MINK1: variants seen among roughly 807,000 people sequenced by gnomAD.
The protein encoded by MINK1 is misshapen-like kinase 1.
Under a neutral mutation model 178.4 loss-of-function variants are expected in MINK1, and 46 were observed. That is an observed-to-expected ratio of 0.26 (90% CI 0.20 to 0.33). The LOEUF is 0.33. MINK1 is among the 10% of genes least tolerant of loss of function. The pLI is 1.00. For missense variants in MINK1, 1,366 were observed against 1,814.9 expected, an observed-to-expected ratio of 0.75 and a Z score of 4.49; for synonymous variants, 797 against 709.7, an observed-to-expected ratio of 1.12 and a Z score of -1.96.
intron 5 of MINK1, 108 bp from the exon 6 acceptor site, chr17:4,884,804 C>A: frequency 1.0e-6 from 1 of 964,486 alleles, no homozygotes; most frequent in South Asian, 1.5e-5. Context: ...CTCCTTCAGC[C>A]CAGCCCTGTC....
chr17:4,865,169 G>A (rs1182711067), intron 1 of MINK1, among the ~76,000 whole-genome samples: 2 of 152,100 alleles, frequency 1.3e-5, no homozygotes, highest in Admixed American at 6.6e-5. Flanking sequence ...GGTGGCTCAC[G>A]CCTGTAATCC....
chr17:4,893,139 A>G lies in MINK1; in HGVS notation c.2400+72A>G, dbSNP rs182021390. The stretch of plus-strand genomic sequence containing the variant: ...GCTTAGCCTCAGGGTGCTGGGTGTC[A>G]GGGGTGGGGTCTCCGCTGATCTACC... On this transcript the variant is annotated intron_variant, in intron 20 of 31. Transcript: ENST00000355280. 7.4e-4 allele frequency: 1,113 copies of G among 1,514,058 alleles called. 8 individuals are homozygous for G. In the African/African-American group the frequency reaches 0.014, roughly 19 times the overall value. The allele number at this position is 1,514,058 out of a possible 1,614,324, so 93.8% of individuals were successfully genotyped here.
Position 4,896,263 on chromosome 17 carries a change from T to C in MINK1, c.3536T>C (p.Val1179Ala). The change falls in exon 29 of 32, where the codon GTC becomes GCC. Residue 1179 changes from valine (V) to alanine (A), a missense_variant. Val to Ala is a moderately conservative substitution (Grantham distance 64, BLOSUM62 0). Transcript: ENST00000355280. This position sits in a 1 kb window ranked among gnomAD's most constrained non-coding sequence, Gnocchi z 4.6. The part of the protein sequence containing the change: ...LTVEEGQRLK[V>A]IYGSSAGFHA... ...GTAGAGGAGGGGCAGCGGCTCAAGG[T>C]CATCTATGGCTCCAGTGCTGGCTTC... is the stretch of plus-strand genomic sequence containing the variant. 1 of 1,607,560 alleles carries C rather than the reference T, an allele frequency of 6.2e-7. No individual in the cohort carries two copies. The highest frequency in any genetic ancestry group is 8.5e-7 in the Non-Finnish European group (1 of 1,176,552).
intron 1 of MINK1, among the ~76,000 whole-genome samples, chr17:4,834,586 C>T (rs1471471793): frequency 6.6e-6 from 1 of 152,186 alleles, no homozygotes; most frequent in East Asian, 1.9e-4. Flanking sequence ...TTGTGGGGCA[C>T]TTACACACTC....
chr17:4,838,955 T>G (rs1909711795), intron 1 of MINK1, among the ~76,000 whole-genome samples: 1 of 152,110 alleles, frequency 6.6e-6, no homozygotes, highest in African/African-American at 2.4e-5. Flanking sequence ...CTCTTTTTTT[T>G]TTTTTTGAGA....
At chr17:4,867,426 G>C (rs972867653) in intron 1 of MINK1, among the ~76,000 whole-genome samples, 8 of 151,486 alleles carry the variant, frequency 5.3e-5, no homozygotes, top group Non-Finnish European at 1.2e-4. Context: ...GAGGCAGGAG[G>C]ATCACTTGAG....
chr17:4,868,353 C>T (rs1915354014), intron 1 of MINK1, among the ~76,000 whole-genome samples: 1 of 152,162 alleles, frequency 6.6e-6, no homozygotes, highest in Admixed American at 6.6e-5. Context: ...AACACTAGAA[C>T]CTTCTAATGT....
At position 4,895,927 on chromosome 17, in the gene MINK1, G is replaced by A. The variant is rs1011588167; in HGVS notation, c.3365-76G>A. On this transcript the variant is annotated intron_variant, in intron 27 of 31. Coordinates refer to ENST00000355280, the MANE Select transcript of MINK1 (RefSeq NM_153827.5). The surrounding 1 kb of genome is among the most constrained non-coding windows in gnomAD (Gnocchi z 4.3). The stretch of plus-strand genomic sequence containing the variant: ...GGACTTGGGGCCTGGGTGGGGCAGT[G>A]TAGTGACAGACCACGGGGAGGCGCC... 1.9e-5 allele frequency: 30 copies of A among 1,573,706 alleles called. No homozygotes were observed. In the African/African-American group the frequency reaches 3.4e-4, roughly 18 times the overall value.
rs1379304336 is a variant in MINK1 at position 4,894,742 on chromosome 17, TCCCTTGGG to T, written c.2917+114_2917+121del. 2.5e-5 allele frequency: 22 copies of T among 864,476 alleles called. No homozygotes were observed. The African/African-American group carries it at 2.7e-4, about 10-fold the overall frequency. The allele number at this position is 864,476 out of a possible 1,614,324, so 53.6% of individuals were successfully genotyped here. On this transcript the variant is annotated intron_variant, in intron 24 of 31. Transcript: ENST00000355280. This position sits in a 1 kb window ranked among gnomAD's most constrained non-coding sequence, Gnocchi z 4.1. ...TCACAAAGCATAGCCACAGGACCTC[TCCCTTGGG>T]CCCTAGCACCTGCCTGGGCACAGAG...
intron 1 of MINK1, among the ~76,000 whole-genome samples, chr17:4,838,870 A>G (rs532505916): frequency 1.3e-5 from 2 of 152,280 alleles, no homozygotes; most frequent in South Asian, 4.2e-4. Flanking sequence ...TATAGTACTC[A>G]GTCCTCTACT....
chr17:4,863,512 G>T (rs1374596064), intron 1 of MINK1, among the ~76,000 whole-genome samples: 1 of 152,142 alleles, frequency 6.6e-6, no homozygotes, highest in Non-Finnish European at 1.5e-5. Context: ...CTAGAAAGGG[G>T]AGGAAATGGT....
chr17:4,892,527 C>T lies in MINK1; in HGVS notation c.2198+15C>T. ...AACGCCTCTAGGTAATAGAGTTGTC[C>T]CCCAACTCACTCTCACCTCTCACTT... is the stretch of plus-strand genomic sequence containing the variant. On this transcript the variant is annotated intron_variant, in intron 18 of 31. Coordinates refer to ENST00000355280, the MANE Select transcript of MINK1 (RefSeq NM_153827.5). 6.5e-7 allele frequency: 1 copy of T among 1,534,598 alleles called. No individual in the cohort carries two copies. Among genetic ancestry groups the T allele is most frequent in the South Asian group, 1.2e-5 (1 of 84,834 alleles).
At chr17:4,859,153 TC>T (rs1913699702) in intron 1 of MINK1, 1 of 985,322 alleles carries the variant, frequency 1.0e-6, no homozygotes, top group Admixed American at 6.1e-5. Flanking sequence ...GACCAGTCCT[TC>T]CTTGTCTCCA....
At position 4,894,041 on chromosome 17, in the gene MINK1, A is replaced by T; in HGVS notation, c.2618A>T (p.Glu873Val). The part of the protein sequence containing the change: ...VSTMVVHDVE[E>V]ITGTQPPYGG... ...ACCATGGTGGTCCACGACGTCGAGG[A>T]GATCACCGGGACCCAGCCCCCATAC... The change falls in exon 22 of 32, where the codon GAG becomes GTG. Residue 873 changes from glutamate to valine, a missense_variant. By Grantham distance (121) the Glu-to-Val change is moderately radical. Transcript: ENST00000355280. This position sits in a 1 kb window ranked among gnomAD's most constrained non-coding sequence, Gnocchi z 4.1. 6.3e-7 allele frequency: 1 copy of T among 1,590,510 alleles called. No homozygotes were observed. Among genetic ancestry groups the T allele is most frequent in the Non-Finnish European group, 8.6e-7 (1 of 1,167,618 alleles).
intron 13 of MINK1, 40 bp from the exon 14 acceptor site, chr17:4,890,477 C>T (rs1208799983): frequency 6.4e-7 from 1 of 1,552,334 alleles, no homozygotes; most frequent in South Asian, 1.2e-5. Context: ...CTCCCAGGGC[C>T]ACACCCTGCT....
chr17:4,860,341 T>A (rs762713733), intron 1 of MINK1, among the ~76,000 whole-genome samples: 3 of 151,836 alleles, frequency 2.0e-5, no homozygotes, highest in Non-Finnish European at 4.4e-5. Flanking sequence ...CTGACGGGGG[T>A]TTCACCTTCT....
chr17:4,892,346 C>G, intron 17 of MINK1, 56 bp from the exon 18 acceptor site: 1 of 1,464,598 alleles, frequency 6.8e-7, no homozygotes, highest in South Asian at 1.2e-5. Flanking sequence ...AGCCCCAGCC[C>G]CATCACCTCA....
intron 1 of MINK1, among the ~76,000 whole-genome samples, chr17:4,845,339 G>A (rs1474311788): frequency 3.9e-5 from 6 of 152,118 alleles, no homozygotes; most frequent in South Asian, 2.1e-4. Flanking sequence ...CATGACTTGC[G>A]TTCTGGTTCT....
chr17:4,869,339 C>T (rs908499151), intron 1 of MINK1, among the ~76,000 whole-genome samples: 1 of 151,912 alleles, frequency 6.6e-6, no homozygotes, highest in South Asian at 2.1e-4. Context: ...TGCAATGGCA[C>T]GATCTCGGCT....
Sources: gnomAD v4.1 joint callset for allele counts (sites outside exome capture counted in the v4.1 genomes callset) on GRCh38, gnomAD v4.1.1 for gene constraint, Gnocchi (gnomAD v3.1) non-coding constraint, MANE v1.5 for transcripts, NCBI Gene and HGNC (gene_info 2026-07-23, HGNC 2026-07-21) for gene names.